The following FRAS1 variants were observed in gnomAD, a reference collection of about 807,000 sequenced individuals.
FRAS1 encodes the protein extracellular matrix organizing protein FRAS1.
FRAS1 carries 290 observed loss-of-function variants against 435.2 expected under a neutral mutation model. The observed-to-expected ratio is 0.67, with a 90% CI of 0.61 to 0.73. The LOEUF is 0.73. Among genes scored for constraint, FRAS1 ranks in the 30% least tolerant of loss-of-function variants. The probability of loss-of-function intolerance (pLI) is 0.00; values close to 1 mark genes in which losing one functional copy is unlikely to be tolerated. For missense variants in FRAS1, 4,860 were observed against 5,001.5 expected, an observed-to-expected ratio of 0.97 and a Z score of 0.85; for synonymous variants, 1,800 against 1,851.0, an observed-to-expected ratio of 0.97 and a Z score of 0.71.
chr4:78,475,904 C>T (rs961664443), intron 54 of FRAS1, among the ~76,000 whole-genome samples: 2 of 152,176 alleles, frequency 1.3e-5, no homozygotes, highest in African/African-American at 4.8e-5. Flanking sequence ...GCTTTGGTAT[C>T]CCAACCGTTC....
intron 5 of FRAS1, among the ~76,000 whole-genome samples, chr4:78,254,893 C>T (rs2110136806): frequency 6.6e-6 from 1 of 152,260 alleles, no homozygotes; most frequent in Middle Eastern, 3.4e-3. Context: ...CCAGGCTCTA[C>T]CCTGTGACTT....
intron 2 of FRAS1, among the ~76,000 whole-genome samples, chr4:78,126,098 T>C (rs913160795): frequency 1.3e-5 from 2 of 152,154 alleles, no homozygotes; most frequent in Admixed American, 6.5e-5. Flanking sequence ...TACTCAAGCT[T>C]CAGCAATGGC....
Position 78,466,426 on chromosome 4 carries a change from G to C in FRAS1, c.7248G>C (p.Gly2416=). 2 of 1,612,632 alleles carry C rather than the reference G, an allele frequency of 1.2e-6. No homozygotes were observed. Among genetic ancestry groups the C allele is most frequent in the Non-Finnish European group, 1.7e-6 (2 of 1,179,112 alleles). Residue 2416 remains glycine (G), a synonymous_variant, in exon 50 of 74, where the codon GGG becomes GGC. Coordinates refer to ENST00000512123, the MANE Select transcript of FRAS1 (RefSeq NM_025074.7). ...ACCCCTTCTTTATCATTGAGGAAGG[G>C]GGAAAAGAGGTGAGGGGTGAGGACA... is the stretch of plus-strand genomic sequence containing the variant. ...GTNPFFIIEE[G]GKEIMTAAPQ...
At chr4:78,464,964 A>G (rs1719483034) in intron 49 of FRAS1, among the ~76,000 whole-genome samples, 2 of 151,970 alleles carry the variant, frequency 1.3e-5, no homozygotes, top group Non-Finnish European at 1.5e-5. Context: ...TCTCCCTTTC[A>G]CCTCCTTCAT....
At chr4:78,329,633 C>T (rs1729862330) in intron 18 of FRAS1, among the ~76,000 whole-genome samples, 1 of 152,180 alleles carries the variant, frequency 6.6e-6, no homozygotes, top group African/African-American at 2.4e-5. Context: ...TAGTGAGTCT[C>T]GAGTACCACA....
At chr4:78,160,758 T>A (rs1474434418) in intron 2 of FRAS1, among the ~76,000 whole-genome samples, 1 of 152,216 alleles carries the variant, frequency 6.6e-6, no homozygotes, top group African/African-American at 2.4e-5. Flanking sequence ...CTTTATTTTC[T>A]TATAAAGCCT....
At chr4:78,319,687 A>G (rs1275897112) in intron 18 of FRAS1, 3 of 241,390 alleles carry the variant, frequency 1.2e-5, no homozygotes, top group Middle Eastern at 1.6e-3. Flanking sequence ...TTTTGTTATA[A>G]TATCTGAGTC....
At chr4:78,519,187 G>T in intron 66 of FRAS1, 144 bp from the exon 67 acceptor site, 2 of 595,916 alleles carry the variant, frequency 3.4e-6, no homozygotes, top group Non-Finnish European at 2.6e-6. Context: ...AAATAAGTAA[G>T]TGCAATCATG....
intron 70 of FRAS1, among the ~76,000 whole-genome samples, chr4:78,533,987 C>T (rs920831231): frequency 2.0e-5 from 3 of 152,066 alleles, no homozygotes; most frequent in African/African-American, 7.2e-5. Flanking sequence ...AGGAAGAAGG[C>T]TGGGGAGGTA....
At chr4:78,113,034 G>A (rs56078669) in intron 2 of FRAS1, among the ~76,000 whole-genome samples, 4,771 of 152,050 alleles carry the variant, frequency 0.031, 216 homozygotes, top group East Asian at 0.23. Context: ...ATGTCCATGT[G>A]TTCTCATTGT....
intron 14 of FRAS1, among the ~76,000 whole-genome samples, chr4:78,297,047 T>C (rs1728175471): frequency 6.6e-6 from 1 of 152,248 alleles, no homozygotes. Context: ...CACTGTCTCC[T>C]GATAATACTT....
intron 16 of FRAS1, 103 bp from the exon 17 acceptor site, chr4:78,317,265 T>G: frequency 7.6e-7 from 1 of 1,320,812 alleles, no homozygotes; most frequent in African/African-American, 1.4e-5. Context: ...TGGTGTGACA[T>G]CCACAGGGGA....
Position 78,273,317 on chromosome 4 carries a change from C to A in FRAS1, c.982-5338C>A, listed in dbSNP as rs113815554. 2.7e-3 allele frequency among the ~76,000 whole-genome samples: 408 copies of A among 152,320 alleles called. 2 individuals carry two copies. Among genetic ancestry groups the A allele is most frequent in the African/African-American group, 9.4e-3 (392 of 41,566 alleles). Reference sequence around the variant, plus strand: ...GAACACCCTTTATTTCTTTCTCCTGCATGATTGCCCTGGTCAGAACTTCCA... The same window carrying A: ...GAACACCCTTTATTTCTTTCTCCTGAATGATTGCCCTGGTCAGAACTTCCA... On this transcript the variant is annotated intron_variant, in intron 9 of 73. Coordinates refer to ENST00000512123, the MANE Select transcript of FRAS1 (RefSeq NM_025074.7).
chr4:78,449,153 C>G (rs943939861), intron 44 of FRAS1, among the ~76,000 whole-genome samples: 5 of 152,140 alleles, frequency 3.3e-5, no homozygotes, highest in Admixed American at 3.3e-4. Context: ...ATACGGCACT[C>G]TTGTTACTTA....
At chr4:78,171,803 C>G (rs1430718211) in intron 2 of FRAS1, among the ~76,000 whole-genome samples, 3 of 152,108 alleles carry the variant, frequency 2.0e-5, no homozygotes, top group African/African-American at 7.2e-5. Context: ...CTTCTTTCCT[C>G]CCTCCTCACA....
At chr4:78,319,886 GGAA>G (rs1174333730) in intron 18 of FRAS1, among the ~76,000 whole-genome samples, 2 of 152,224 alleles carry the variant, frequency 1.3e-5, no homozygotes, top group African/African-American at 4.8e-5. Context: ...TGGCACAGCA[GGAA>G]GGATGCAGAA....
At chr4:78,408,572 C>G (rs1733193555) in intron 31 of FRAS1, among the ~76,000 whole-genome samples, 1 of 152,160 alleles carries the variant, frequency 6.6e-6, no homozygotes, top group South Asian at 2.1e-4. Flanking sequence ...TAGCCAAACT[C>G]AACATGTTTA....
chr4:78,517,384 T>G (rs940242791), intron 66 of FRAS1, among the ~76,000 whole-genome samples: 1 of 152,244 alleles, frequency 6.6e-6, no homozygotes, highest in African/African-American at 2.4e-5. Context: ...TTCTCTGTTC[T>G]TTATGATTTT....
chr4:78,312,792 G>C (rs1192496545), intron 15 of FRAS1, among the ~76,000 whole-genome samples: 1 of 151,464 alleles, frequency 6.6e-6, no homozygotes, highest in Non-Finnish European at 1.5e-5. Flanking sequence ...TGATCGTGCT[G>C]CTGCACTCCA....
Sources: allele counts gnomAD v4.1 joint callset (sites outside exome capture counted in the v4.1 genomes callset), GRCh38; gene constraint gnomAD v4.1.1; transcripts MANE v1.5; gene names NCBI Gene and HGNC (gene_info 2026-07-23, HGNC 2026-07-21).